OSBPL1A: variants seen among roughly 807,000 people sequenced by gnomAD.
OSBPL1A encodes the protein oxysterol-binding protein-related protein 1.
In OSBPL1A, 80 loss-of-function variants were observed where a neutral mutation model predicts 137.1. The observed-to-expected ratio is 0.58, with a 90% CI of 0.49 to 0.70. The LOEUF (loss-of-function observed/expected upper bound fraction) is 0.70, where lower values mean the gene tolerates loss of function less well. Ranked by LOEUF, OSBPL1A falls within the 30% of genes least tolerant of loss-of-function variation. The pLI is 0.00. For synonymous variants in OSBPL1A, 365 were observed against 389.7 expected (o/e 0.94, Z 0.75); for missense variants, 970 against 1,129.4 (o/e 0.86, Z 2.02).
chr18:24,210,871 T>A (rs1425042435), intron 17 of OSBPL1A, among the ~76,000 whole-genome samples: 2 of 152,246 alleles, frequency 1.3e-5, no homozygotes, highest in Non-Finnish European at 2.9e-5. Context: ...TCTATTGCTA[T>A]TTATCAAATT....
At chr18:24,201,725 T>A (rs368019974) in intron 17 of OSBPL1A, among the ~76,000 whole-genome samples, 1 of 151,774 alleles carries the variant, frequency 6.6e-6, no homozygotes, top group Non-Finnish European at 1.5e-5. Context: ...GCTGTGCCAC[T>A]GCACTCCCAC....
chr18:24,340,317 A>G (rs1263411891), intron 5 of OSBPL1A, among the ~76,000 whole-genome samples: 2 of 152,264 alleles, frequency 1.3e-5, no homozygotes, highest in Non-Finnish European at 2.9e-5. Context: ...TGACATTCAT[A>G]ACAATGAAGC....
chr18:24,215,540 A>G (rs908924075), intron 17 of OSBPL1A, among the ~76,000 whole-genome samples: 4 of 152,136 alleles, frequency 2.6e-5, no homozygotes, highest in Non-Finnish European at 5.9e-5. Context: ...CAATTTTTTT[A>G]TTATTATATA....
intron 26 of OSBPL1A, 62 bp from the exon 27 acceptor site, chr18:24,165,217 T>C: frequency 7.0e-6 from 10 of 1,422,768 alleles, no homozygotes; most frequent in Admixed American, 1.7e-5. Flanking sequence ...AGGCACAGTA[T>C]TAAGCACAAG....
At chr18:24,177,879 C>T (rs781302279) in intron 21 of OSBPL1A, 134 bp downstream of exon 21, 14 of 772,432 alleles carry the variant, frequency 1.8e-5, no homozygotes, top group East Asian at 2.7e-5. Context: ...TTTACATAGA[C>T]GTAGACAGTT....
intron 15 of OSBPL1A, among the ~76,000 whole-genome samples, chr18:24,264,055 G>C (rs890622373): frequency 7.2e-5 from 11 of 152,188 alleles, no homozygotes; most frequent in African/African-American, 2.7e-4. Flanking sequence ...ATTCACAAGA[G>C]AATGTTGGAA....
chr18:24,231,646 T>C (rs760255251), intron 16 of OSBPL1A, among the ~76,000 whole-genome samples: 43 of 152,338 alleles, frequency 2.8e-4, no homozygotes, highest in Middle Eastern at 3.4e-3. Flanking sequence ...CACATTCAGA[T>C]TGAACACAGT....
chr18:24,240,161 T>C (rs1207233912), intron 15 of OSBPL1A, among the ~76,000 whole-genome samples: 1 of 152,118 alleles, frequency 6.6e-6, no homozygotes, highest in Admixed American at 6.5e-5. Flanking sequence ...GCCCCTCAAG[T>C]GATCTGCCCG....
At chr18:24,380,503 A>G (rs1906498420) in intron 1 of OSBPL1A, among the ~76,000 whole-genome samples, 1 of 152,236 alleles carries the variant, frequency 6.6e-6, no homozygotes, top group Non-Finnish European at 1.5e-5. Context: ...CTGTGAGCTC[A>G]GAGGCAGAAA....
chr18:24,250,160 T>G lies in OSBPL1A; in HGVS notation c.1282-10778A>C, dbSNP rs1017967858. Among the ~76,000 whole-genome samples, 2 of 53,110 alleles carry G rather than the reference T, an allele frequency of 3.8e-5. 1 individual carries two copies. Among genetic ancestry groups the G allele is most frequent in the Non-Finnish European group, 8.2e-5 (2 of 24,482 alleles). The allele number at this position is 53,110 out of a possible 152,430, so 34.8% of individuals were successfully genotyped here. On this transcript the variant is annotated intron_variant, in intron 15 of 27. Transcript: ENST00000319481. ...CCAGAAGGCGTTTGTGTGTTTTTGT[T>G]TGTTTGTTTGTTTGTTTGTTTGTTT...
chr18:24,353,100 C>CA (rs1038081136), intron 4 of OSBPL1A, among the ~76,000 whole-genome samples: 7 of 151,612 alleles, frequency 4.6e-5, no homozygotes, highest in South Asian at 2.1e-4. Context: ...TTCTGCACAG[C>CA]AAAAAAAACT....
At chr18:24,189,938 C>T (rs2086844711) in intron 18 of OSBPL1A, among the ~76,000 whole-genome samples, 1 of 152,244 alleles carries the variant, frequency 6.6e-6, no homozygotes, top group Admixed American at 6.5e-5. Context: ...GCGGTGTGTT[C>T]ATCATGTGTT....
At chr18:24,163,369 G>A in intron 27 of OSBPL1A, 88 bp from the exon 28 acceptor site, 1 of 910,082 alleles carries the variant, frequency 1.1e-6, no homozygotes. Context: ...TTATTCTATT[G>A]CAGCAACTCA....
At chr18:24,256,579 A>G (rs1200738881) in intron 15 of OSBPL1A, among the ~76,000 whole-genome samples, 2 of 152,190 alleles carry the variant, frequency 1.3e-5, no homozygotes, top group African/African-American at 4.8e-5. Flanking sequence ...CACTTTCACC[A>G]CTATTATACA....
At chr18:24,273,716 G>T (rs1468654416) in intron 15 of OSBPL1A, among the ~76,000 whole-genome samples, 1 of 152,180 alleles carries the variant, frequency 6.6e-6, no homozygotes, top group Non-Finnish European at 1.5e-5. Flanking sequence ...GCTCCAGTTT[G>T]TGAATATATA....
intron 4 of OSBPL1A, among the ~76,000 whole-genome samples, chr18:24,355,071 G>A (rs956664414): frequency 6.6e-6 from 1 of 152,174 alleles, no homozygotes; most frequent in African/African-American, 2.4e-5. Flanking sequence ...AGACCCTGAA[G>A]GGGAATTGCC....
intron 16 of OSBPL1A, among the ~76,000 whole-genome samples, chr18:24,228,139 T>A (rs2088148780): frequency 6.6e-6 from 1 of 152,124 alleles, no homozygotes; most frequent in African/African-American, 2.4e-5. Flanking sequence ...AACCCCTGCG[T>A]GGGACCACTG....
At chr18:24,331,068 C>T (rs111707365) in intron 7 of OSBPL1A, among the ~76,000 whole-genome samples, 6 of 152,312 alleles carry the variant, frequency 3.9e-5, no homozygotes, top group African/African-American at 1.4e-4. Flanking sequence ...GCTGGGATTA[C>T]AGGCTTGAGC....
intron 17 of OSBPL1A, among the ~76,000 whole-genome samples, chr18:24,208,780 C>T (rs1283247050): frequency 6.6e-6 from 1 of 152,110 alleles, no homozygotes; most frequent in Non-Finnish European, 1.5e-5. Flanking sequence ...AGTAAACTGT[C>T]CCGCGCACAT....
Sources: allele counts gnomAD v4.1 joint callset (sites outside exome capture counted in the v4.1 genomes callset), GRCh38; gene constraint gnomAD v4.1.1; transcripts MANE v1.5; gene names NCBI Gene and HGNC (gene_info 2026-07-23, HGNC 2026-07-21).